UBE2F: variants seen among roughly 807,000 people sequenced by gnomAD.
UBE2F encodes NEDD8-conjugating enzyme UBE2F.
UBE2F carries 5 observed loss-of-function variants against 29.6 expected under a neutral mutation model. That is an observed-to-expected ratio of 0.17 (90% CI 0.09 to 0.36). The LOEUF is 0.36. UBE2F is among the 10% of genes least tolerant of loss of function. The probability of loss-of-function intolerance (pLI) is 1.00; values close to 1 mark genes in which losing one functional copy is unlikely to be tolerated. For missense variants in UBE2F, 141 were observed against 228.5 expected, an observed-to-expected ratio of 0.62 and a Z score of 2.47; for synonymous variants, 66 against 81.8, an observed-to-expected ratio of 0.81 and a Z score of 1.04.
At chr2:238,030,946 T>C (rs2064561387) in intron 7 of UBE2F, among the ~76,000 whole-genome samples, 1 of 152,238 alleles carries the variant, frequency 6.6e-6, no homozygotes, top group Non-Finnish European at 1.5e-5. Context: ...CTTGAGCTTT[T>C]CTGGCCACTA....
chr2:238,016,484 A>T (rs557381037), intron 4 of UBE2F, 82 bp from the exon 5 acceptor site: 1 of 1,232,056 alleles, frequency 8.1e-7, no homozygotes, highest in African/African-American at 1.5e-5. Flanking sequence ...TATTTGCCAT[A>T]TCCTAACAGA....
chr2:237,981,614 CTTTTTTTTTTTT>C (rs139270010), intron 2 of UBE2F, among the ~76,000 whole-genome samples: 22 of 62,396 alleles, frequency 3.5e-4, no homozygotes, highest in East Asian at 2.5e-3. Flanking sequence ...AATTTGAATT[CTTTTTTTTTTTT>C]TTTTTTTTTT....
intron 4 of UBE2F, among the ~76,000 whole-genome samples, chr2:237,998,065 G>A (rs556379944): frequency 4.7e-4 from 71 of 152,300 alleles, no homozygotes; most frequent in Non-Finnish European, 8.5e-4. Context: ...TGCTGTGATG[G>A]TGGTGATGGT....
intron 4 of UBE2F, among the ~76,000 whole-genome samples, chr2:238,014,172 C>T (rs1161245555): frequency 2.0e-5 from 3 of 152,224 alleles, no homozygotes; most frequent in Admixed American, 2.0e-4. Context: ...TGGGTTTCAT[C>T]TCAGTCCAGT....
intron 2 of UBE2F, among the ~76,000 whole-genome samples, chr2:237,985,893 G>A (rs1470632311): frequency 6.6e-6 from 1 of 152,150 alleles, no homozygotes. Flanking sequence ...TCTAACAGGT[G>A]TGAGGTGATT....
intron 5 of UBE2F, among the ~76,000 whole-genome samples, chr2:238,020,855 A>G (rs1054558718): frequency 1.3e-5 from 2 of 152,194 alleles, no homozygotes; most frequent in African/African-American, 4.8e-5. Flanking sequence ...AAGGATGGGA[A>G]CTTGGTGGCC....
chr2:238,016,199 A>G (rs1404610227), intron 4 of UBE2F, among the ~76,000 whole-genome samples: 1 of 152,182 alleles, frequency 6.6e-6, no homozygotes, highest in Admixed American at 6.5e-5. Context: ...ACCAGCAGTA[A>G]GCAGATAAAG....
chr2:237,969,519 C>T (rs1011633081), intron 1 of UBE2F, among the ~76,000 whole-genome samples: 1 of 152,092 alleles, frequency 6.6e-6, no homozygotes, highest in Admixed American at 6.5e-5. Context: ...ATTTGCATTC[C>T]CAAGGTCAGC....
intron 2 of UBE2F, among the ~76,000 whole-genome samples, chr2:237,987,613 T>C (rs2063505695): frequency 6.6e-6 from 1 of 152,178 alleles, no homozygotes; most frequent in Non-Finnish European, 1.5e-5. Flanking sequence ...ACAAGGTGCA[T>C]ATAGATCAGG....
intron 5 of UBE2F, among the ~76,000 whole-genome samples, chr2:238,018,560 GTTAT>G (rs1553558694): frequency 6.6e-6 from 1 of 151,974 alleles, no homozygotes; most frequent in East Asian, 1.9e-4. Flanking sequence ...GGTTCAGTGG[GTTAT>G]TTATTTATTT....
rs530293244 is a variant in UBE2F at position 237,973,741 on chromosome 2, C to G, written c.118+516C>G. The G allele has an allele frequency of 8.8e-5, 110 of 1,256,928 alleles. 1 individual carries two copies. In the South Asian group the frequency reaches 1.4e-3, roughly 16 times the overall value. The allele number at this position is 1,256,928 out of a possible 1,614,324, so 77.9% of individuals were successfully genotyped here. A position where few individuals can be genotyped will look rare whatever the true frequency, so the allele number is the denominator to read the frequency against. On this transcript the variant is annotated intron_variant, in intron 2 of 9. Transcript: ENST00000272930. Reference sequence around the variant, plus strand: ...TAGAGTTTTCGTGACTTCTGCTATCCATGTTGGTGAGGAGAAACTTTATCC... The same window carrying G: ...TAGAGTTTTCGTGACTTCTGCTATCGATGTTGGTGAGGAGAAACTTTATCC...
chr2:237,981,811 G>A (rs10929259), intron 2 of UBE2F, among the ~76,000 whole-genome samples: 1 of 151,766 alleles, frequency 6.6e-6, no homozygotes. Context: ...ATCTTTTGTA[G>A]AGACAAGGTT....
At chr2:238,030,785 A>T (rs1390791326) in intron 7 of UBE2F, among the ~76,000 whole-genome samples, 172 bp downstream of exon 7, 1 of 152,166 alleles carries the variant, frequency 6.6e-6, no homozygotes, top group Non-Finnish European at 1.5e-5. Context: ...CCAGTCACTG[A>T]CCTCGGTCAG....
At chr2:238,036,193 G>A (rs2064704229) in intron 9 of UBE2F, among the ~76,000 whole-genome samples, 1 of 152,108 alleles carries the variant, frequency 6.6e-6, no homozygotes, top group African/African-American at 2.4e-5. Flanking sequence ...GGTTTTTTGA[G>A]ACAAGATTTC....
rs34852748 is a variant in UBE2F, at chr2:237,998,612, CTT to C, written c.214+3818_214+3819del. 1.8e-3 allele frequency among the ~76,000 whole-genome samples: 253 copies of C among 140,222 alleles called. 1 individual carries two copies. The highest frequency in any genetic ancestry group is 3.3e-3 in the East Asian group (16 of 4,906). The allele number at this position is 140,222 out of a possible 152,430, so 92.0% of individuals were successfully genotyped here. A position where few individuals can be genotyped will look rare whatever the true frequency, so the allele number is the denominator to read the frequency against. On this transcript the variant is annotated intron_variant, in intron 4 of 9. Coordinates refer to ENST00000272930, the MANE Select transcript of UBE2F (RefSeq NM_080678.3). ...AGCTATGAGGTTTGACTGCCGTGAG[CTT>C]TTTTTTTTTTTTTTACAAGCTTTTC...
intron 2 of UBE2F, among the ~76,000 whole-genome samples, chr2:237,987,461 AG>A (rs2063502049): frequency 6.6e-6 from 1 of 152,152 alleles, no homozygotes; most frequent in Non-Finnish European, 1.5e-5. Context: ...TGTCCTGCAG[AG>A]GGGGTGCTGG....
chr2:238,008,913 G>A (rs959667824), intron 4 of UBE2F, among the ~76,000 whole-genome samples: 2 of 152,190 alleles, frequency 1.3e-5, no homozygotes, highest in Non-Finnish European at 2.9e-5. Flanking sequence ...TGTAGATCTA[G>A]ATTTCTCCTC....
At chr2:238,000,825 A>T (rs1249882393) in intron 4 of UBE2F, among the ~76,000 whole-genome samples, 2 of 152,170 alleles carry the variant, frequency 1.3e-5, no homozygotes, top group Non-Finnish European at 2.9e-5. Flanking sequence ...TGGTATTGTC[A>T]TTCTTTTCAA....
At chr2:238,011,152 C>T (rs957647404) in intron 4 of UBE2F, among the ~76,000 whole-genome samples, 1 of 152,196 alleles carries the variant, frequency 6.6e-6, no homozygotes, top group Non-Finnish European at 1.5e-5. Context: ...CTTTCATGGC[C>T]GCATCTCACT....
Sources: gnomAD v4.1 joint callset for allele counts (sites outside exome capture counted in the v4.1 genomes callset) on GRCh38, gnomAD v4.1.1 for gene constraint, MANE v1.5 for transcripts, NCBI Gene and HGNC (gene_info 2026-07-23, HGNC 2026-07-21) for gene names.